The following BAZ2B variants were observed in gnomAD, a reference collection of about 807,000 sequenced individuals.
The protein encoded by BAZ2B is bromodomain adjacent to zinc finger domain protein 2B.
BAZ2B carries 91 observed loss-of-function variants against 246.0 expected under a neutral mutation model. The observed-to-expected ratio is 0.37, with a 90% CI of 0.31 to 0.44. The LOEUF is 0.44. Ranked by LOEUF, BAZ2B falls within the 20% of genes least tolerant of loss-of-function variation. The pLI is 1.00. For missense variants in BAZ2B, 2,332 were observed against 2,533.7 expected, an observed-to-expected ratio of 0.92 and a Z score of 1.71; for synonymous variants, 855 against 860.0, an observed-to-expected ratio of 0.99 and a Z score of 0.10.
chr2:159,683,953 C>A, the BAZ2B span, among the ~76,000 whole-genome samples: 9 of 152,276 alleles, frequency 5.9e-5, no homozygotes, highest in Non-Finnish European at 1.0e-4. Flanking sequence ...TCTGGGAGGC[C>A]ATGATTCAGC....
At chr2:159,569,461 C>T (rs1683416238) in intron 1 of BAZ2B, among the ~76,000 whole-genome samples, 1 of 152,014 alleles carries the variant, frequency 6.6e-6, no homozygotes, top group South Asian at 2.1e-4. Flanking sequence ...TCTGTAATTA[C>T]CCAACTCCCC....
At chr2:159,619,574 A>C (rs1263793106), upstream of BAZ2B, among the ~76,000 whole-genome samples, 1 of 150,752 alleles carries the variant, frequency 6.6e-6, no homozygotes, top group East Asian at 1.9e-4. Flanking sequence ...ATTAAAATAT[A>C]TATTTAAAAT....
chr2:159,350,957 A>G (rs1047021760), intron 27 of BAZ2B, among the ~76,000 whole-genome samples: 2 of 152,166 alleles, frequency 1.3e-5, no homozygotes, highest in Non-Finnish European at 2.9e-5. Context: ...ACCTAATGCT[A>G]GATGACGAGT....
downstream of BAZ2B, among the ~76,000 whole-genome samples, chr2:159,317,658 C>T (rs989289523): frequency 6.6e-6 from 1 of 151,922 alleles, no homozygotes; most frequent in Non-Finnish European, 1.5e-5. Context: ...GATTTTAGGA[C>T]TAAAATGAGG....
chr2:159,378,937 T>C (rs748036103), intron 25 of BAZ2B, among the ~76,000 whole-genome samples: 1 of 152,108 alleles, frequency 6.6e-6, no homozygotes, highest in Non-Finnish European at 1.5e-5. Context: ...GAAAACACTA[T>C]AAAGGCTCCT....
At chr2:159,710,982 T>A in the BAZ2B span, 1 of 152,236 alleles carries the variant, frequency 6.6e-6, no homozygotes, top group Admixed American at 6.5e-5. Flanking sequence ...AATGCTTACT[T>A]GTTTCAGGAA....
intron 26 of BAZ2B, among the ~76,000 whole-genome samples, chr2:159,373,488 A>G (rs1441658963): frequency 2.0e-5 from 3 of 152,250 alleles, no homozygotes; most frequent in African/African-American, 7.2e-5. Flanking sequence ...ATGGAGCCAA[A>G]GCAAACTGGT....
intron 27 of BAZ2B, among the ~76,000 whole-genome samples, chr2:159,359,862 TTC>T (rs2059499310): frequency 6.6e-6 from 1 of 152,176 alleles, no homozygotes; most frequent in South Asian, 2.1e-4. Context: ...ACCCACATGA[TTC>T]TCTCAATATA....
intron 2 of BAZ2B, among the ~76,000 whole-genome samples, chr2:159,528,668 C>T (rs937836075): frequency 7.9e-5 from 11 of 139,344 alleles, no homozygotes; most frequent in African/African-American, 3.0e-4. Context: ...GGGTGACAAG[C>T]GAAACTCTGT....
the BAZ2B span, chr2:159,694,167 A>C: frequency 2.6e-5 from 4 of 152,180 alleles, no homozygotes; most frequent in African/African-American, 4.8e-5. Flanking sequence ...GGACACAGAC[A>C]ACACACAGAC....
chr2:159,347,705 C>A (rs2068129136), intron 30 of BAZ2B, 59 bp from the exon 31 acceptor site: 1 of 1,386,752 alleles, frequency 7.2e-7, no homozygotes, highest in Non-Finnish European at 9.8e-7. Context: ...CCCACAGAGA[C>A]CTCTTCCAGA....
In BAZ2B at chr2:159,476,621, C is replaced by A. The variant is rs533943479; in HGVS notation, c.145+1954G>T. On this transcript the variant is annotated intron_variant, in intron 3 of 36. Coordinates refer to ENST00000392783, the MANE Select transcript of BAZ2B (RefSeq NM_013450.4). ...AAGTGAGAAAAAAGTGTTCAGAAAACTCAGAATCTGTACTCAAGGATGCTA... is the reference window on the plus strand; with the variant it reads ...AAGTGAGAAAAAAGTGTTCAGAAAAATCAGAATCTGTACTCAAGGATGCTA... 1.8e-3 allele frequency among the ~76,000 whole-genome samples: 275 copies of A among 152,258 alleles called. 1 individual carries two copies. Among genetic ancestry groups the A allele is most frequent in the Non-Finnish European group, 3.1e-3 (208 of 68,018 alleles).
intron 1 of BAZ2B, among the ~76,000 whole-genome samples, chr2:159,580,903 T>C (rs1321927362): frequency 3.3e-5 from 5 of 152,268 alleles, no homozygotes; most frequent in Non-Finnish European, 1.5e-5. Flanking sequence ...TCACACCTTA[T>C]ACAAAAATTA....
chr2:159,707,685 G>GGT, the BAZ2B span, among the ~76,000 whole-genome samples: 1 of 152,140 alleles, frequency 6.6e-6, no homozygotes, highest in South Asian at 2.1e-4. Flanking sequence ...AAATTAGCCA[G>GGT]GCATTGTGGT....
the BAZ2B span, chr2:159,689,853 A>G: frequency 2.1e-5 from 10 of 477,012 alleles, no homozygotes; most frequent in African/African-American, 1.9e-4. Flanking sequence ...AATTGCTGGT[A>G]CTGAGCATAA....
At chr2:159,329,308 CTT>C (rs1195659118) in intron 34 of BAZ2B, among the ~76,000 whole-genome samples, 1 of 152,086 alleles carries the variant, frequency 6.6e-6, no homozygotes, top group African/African-American at 2.4e-5. Flanking sequence ...CTAGAGATGA[CTT>C]AAAGTATACA....
At chr2:159,568,677 C>T (rs1025971865) in intron 1 of BAZ2B, among the ~76,000 whole-genome samples, 7 of 152,116 alleles carry the variant, frequency 4.6e-5, no homozygotes, top group South Asian at 2.1e-4. Flanking sequence ...CTGGACTGAA[C>T]GGGCAATATG....
chr2:159,662,497 GTTC>G, the BAZ2B span, among the ~76,000 whole-genome samples: 1 of 152,026 alleles, frequency 6.6e-6, no homozygotes, highest in African/African-American at 2.4e-5. Flanking sequence ...ATTCTCACTG[GTTC>G]TTGTTTTTTA....
intron 21 of BAZ2B, among the ~76,000 whole-genome samples, chr2:159,388,833 G>A (rs1348765136): frequency 1.3e-5 from 2 of 152,078 alleles, no homozygotes; most frequent in African/African-American, 2.4e-5. Context: ...TTGGGAGGCT[G>A]AGGTGGCTGT....
Sources: gnomAD v4.1 joint callset for allele counts (sites outside exome capture counted in the v4.1 genomes callset) on GRCh38, gnomAD v4.1.1 for gene constraint, MANE v1.5 for transcripts, NCBI Gene and HGNC (gene_info 2026-07-23, HGNC 2026-07-21) for gene names.